Variants in TASP1 observed in about 807,000 individuals in gnomAD.
The protein encoded by TASP1 is taspase 1.
Under a neutral mutation model 56.6 loss-of-function variants are expected in TASP1, and 16 were observed. The observed-to-expected ratio is 0.28, with a 90% CI of 0.19 to 0.43. TASP1 has a LOEUF of 0.43. Ranked by LOEUF, TASP1 falls within the 20% of genes least tolerant of loss-of-function variation. The pLI is 1.00. For missense variants in TASP1, 393 were observed against 511.6 expected (o/e 0.77, Z 2.24); for synonymous variants, 179 against 184.2 (o/e 0.97, Z 0.23).
At chr20:13,522,522 G>A (rs1306518594) in intron 10 of TASP1, among the ~76,000 whole-genome samples, 1 of 152,142 alleles carries the variant, frequency 6.6e-6, no homozygotes, top group Non-Finnish European at 1.5e-5. Flanking sequence ...ATTTTGACTT[G>A]AGCCACTGGA....
intron 11 of TASP1, among the ~76,000 whole-genome samples, chr20:13,479,374 T>A (rs1600937054): frequency 6.6e-6 from 1 of 152,272 alleles, no homozygotes; most frequent in Middle Eastern, 3.4e-3. Context: ...CTGAAAGGAT[T>A]TCAACCAAAT....
At chr20:13,255,877 C>G in the TASP1 span, among the ~76,000 whole-genome samples, 3 of 152,010 alleles carry the variant, frequency 2.0e-5, no homozygotes, top group East Asian at 5.8e-4. Flanking sequence ...ATTCAGCCCA[C>G]CAACCAGCCA....
intron 13 of TASP1, among the ~76,000 whole-genome samples, chr20:13,414,915 C>A (rs181141642): frequency 1.3e-5 from 2 of 151,902 alleles, no homozygotes; most frequent in Non-Finnish European, 2.9e-5. Context: ...GCCTTTTCTA[C>A]GCAATATGAT....
chr20:13,496,351 G>C (rs571390878), intron 10 of TASP1, among the ~76,000 whole-genome samples: 1 of 152,158 alleles, frequency 6.6e-6, no homozygotes, highest in African/African-American at 2.4e-5. Context: ...CACTGCGCCC[G>C]GTCTGATTTT....
intron 10 of TASP1, among the ~76,000 whole-genome samples, chr20:13,522,841 A>G (rs1351982493): frequency 6.6e-6 from 1 of 152,154 alleles, no homozygotes; most frequent in Non-Finnish European, 1.5e-5. Context: ...CAAAGAGATG[A>G]GGAATATTAA....
intron 4 of TASP1, among the ~76,000 whole-genome samples, chr20:13,611,473 C>T (rs1220460354): frequency 1.3e-5 from 2 of 152,116 alleles, no homozygotes; most frequent in African/African-American, 2.4e-5. Flanking sequence ...TGATTTGAAG[C>T]TCATTTTCAA....
At chr20:13,532,574 T>C (rs1030119938) in intron 9 of TASP1, among the ~76,000 whole-genome samples, 5 of 152,210 alleles carry the variant, frequency 3.3e-5, no homozygotes, top group Admixed American at 1.3e-4. Flanking sequence ...ACTAGCCAAG[T>C]GAGGCAAACC....
At chr20:13,465,392 A>C (rs186625776) in intron 11 of TASP1, among the ~76,000 whole-genome samples, 1 of 152,182 alleles carries the variant, frequency 6.6e-6, no homozygotes, top group African/African-American at 2.4e-5. Flanking sequence ...TACTGGGAAT[A>C]TGACTCCGGA....
chr20:13,272,871 G>C, the TASP1 span, among the ~76,000 whole-genome samples: 4 of 152,304 alleles, frequency 2.6e-5, no homozygotes, highest in African/African-American at 9.6e-5. Flanking sequence ...GAATCAGGCA[G>C]TTCTCATCCC....
the TASP1 span, among the ~76,000 whole-genome samples, chr20:13,104,778 CA>C: frequency 2.0e-5 from 3 of 152,246 alleles, no homozygotes; most frequent in Middle Eastern, 3.4e-3. Flanking sequence ...TAGATGGTGT[CA>C]AAATTATACT....
chr20:13,525,265 A>G (rs1477899159), intron 10 of TASP1, among the ~76,000 whole-genome samples: 2 of 152,168 alleles, frequency 1.3e-5, no homozygotes, highest in African/African-American at 4.8e-5. Context: ...GGTAGATATT[A>G]TTCTGGTTTT....
the TASP1 span, among the ~76,000 whole-genome samples, chr20:13,362,815 A>ATATATATATATG: frequency 4.4e-5 from 3 of 68,188 alleles, 1 homozygote; most frequent in South Asian, 1.1e-3. Flanking sequence ...AGAAATATAT[A>ATATATATATATG]TATATATATA....
chr20:13,160,904 T>G, the TASP1 span, among the ~76,000 whole-genome samples: 5 of 152,328 alleles, frequency 3.3e-5, no homozygotes, highest in East Asian at 1.9e-4. Context: ...AGGTGGCTTT[T>G]GAGCCAGGCC....
chr20:13,583,656 A>G (rs771417590), intron 5 of TASP1, among the ~76,000 whole-genome samples: 1 of 152,240 alleles, frequency 6.6e-6, no homozygotes, highest in Non-Finnish European at 1.5e-5. Flanking sequence ...TATTGTGAGA[A>G]TTAAATGATT....
intron 10 of TASP1, among the ~76,000 whole-genome samples, chr20:13,493,524 C>T (rs2043617185): frequency 6.6e-6 from 1 of 152,156 alleles, no homozygotes; most frequent in Admixed American, 6.5e-5. Flanking sequence ...GTTCTTCAGC[C>T]TTTGGATTCC....
At chr20:13,168,157 T>C in the TASP1 span, 4 of 151,774 alleles carry the variant, frequency 2.6e-5, no homozygotes, top group African/African-American at 9.7e-5. Flanking sequence ...GCTTTGAATG[T>C]GGTATCTTTC....
chr20:13,242,841 T>C, the TASP1 span, among the ~76,000 whole-genome samples: 4 of 152,364 alleles, frequency 2.6e-5, no homozygotes, highest in East Asian at 1.9e-4. Context: ...CTGGTAGTTA[T>C]ACAGATTTCA....
chr20:13,578,925 G>T (rs546126238), intron 6 of TASP1, among the ~76,000 whole-genome samples: 3 of 152,206 alleles, frequency 2.0e-5, no homozygotes, highest in African/African-American at 7.2e-5. Context: ...GACTATTCTT[G>T]TACACTTGTT....
chr20:13,625,099 A>T (rs781523287), intron 3 of TASP1, 86 bp downstream of exon 3: 92 of 994,606 alleles, frequency 9.2e-5, no homozygotes, highest in Non-Finnish European at 1.2e-4. Flanking sequence ...TGTCCTAGAA[A>T]TGAAACTTTT....
Sources: allele counts gnomAD v4.1 joint callset (sites outside exome capture counted in the v4.1 genomes callset), GRCh38; gene constraint gnomAD v4.1.1; transcripts MANE v1.5; gene names NCBI Gene and HGNC (gene_info 2026-07-23, HGNC 2026-07-21).